RPGRIP1: variants seen among roughly 807,000 people sequenced by gnomAD.
RPGRIP1 encodes the protein RPGR interacting protein 1, also known as X-linked retinitis pigmentosa GTPase regulator-interacting protein 1.
A neutral mutation model predicts 157.9 loss-of-function variants in RPGRIP1; 128 were observed. That is an observed-to-expected ratio of 0.81 (90% CI 0.70 to 0.94). RPGRIP1 has a LOEUF of 0.94. Among genes scored for constraint, RPGRIP1 ranks in the 40% least tolerant of loss-of-function variants. The pLI, the probability that RPGRIP1 is intolerant of heterozygous loss-of-function variation, is 0.00. For synonymous variants in RPGRIP1, 554 were observed against 571.6 expected, an observed-to-expected ratio of 0.97 and a Z score of 0.44; for missense variants, 1,486 against 1,545.8, an observed-to-expected ratio of 0.96 and a Z score of 0.65.
chr14:21,337,161 G>A (rs7154979), intron 21 of RPGRIP1, among the ~76,000 whole-genome samples: 4,538 of 151,836 alleles, frequency 0.03, 189 homozygotes, highest in African/African-American at 0.099. Context: ...TAATGTTTAA[G>A]AGCATGGAGA....
rs759953976 is a variant in RPGRIP1 at position 21,322,037 on chromosome 14, G to A, written c.1762+33G>A. 1.9e-6 allele frequency: 3 copies of A among 1,556,238 alleles called. No individual in the cohort carries two copies. The African/African-American group carries it at 4.1e-5, about 21-fold the overall frequency. ...TTAGTCCTTTGTTCTCCTCACTTCG[G>A]GACCCTTCCACAGCTAACGCCTGTG... On this transcript the variant is annotated intron_variant, in intron 14 of 24. Coordinates refer to ENST00000400017, the MANE Select transcript of RPGRIP1 (RefSeq NM_020366.4).
chr14:21,304,382 G>GGAGA (rs1175981568), intron 6 of RPGRIP1, among the ~76,000 whole-genome samples: 1 of 94,830 alleles, frequency 1.1e-5, no homozygotes, highest in African/African-American at 3.9e-5. Flanking sequence ...GAGGGAGGAA[G>GGAGA]GAGAGAGAGA....
intron 20 of RPGRIP1, among the ~76,000 whole-genome samples, chr14:21,332,031 C>T (rs777241458): frequency 6.6e-6 from 1 of 150,730 alleles, no homozygotes; most frequent in Non-Finnish European, 1.5e-5. Context: ...CTCTGCCTCC[C>T]AGGTTCAAGC....
chr14:21,289,654 A>C (rs1880441614), intron 2 of RPGRIP1, among the ~76,000 whole-genome samples: 1 of 152,080 alleles, frequency 6.6e-6, no homozygotes, highest in Non-Finnish European at 1.5e-5. Context: ...ACTTTGGAAA[A>C]TATTTGCCAT....
intron 21 of RPGRIP1, among the ~76,000 whole-genome samples, chr14:21,339,018 C>G (rs61977497): frequency 6.6e-6 from 1 of 151,992 alleles, no homozygotes; most frequent in Non-Finnish European, 1.5e-5. Context: ...TGCCTGTAAT[C>G]CCAGCTACTC....
chr14:21,308,434 G>C (rs1190071533), intron 7 of RPGRIP1, among the ~76,000 whole-genome samples: 1 of 110,488 alleles, frequency 9.1e-6, no homozygotes, highest in Non-Finnish European at 1.9e-5. Context: ...GATTCCAAGG[G>C]TAAGTAAGAA....
At chr14:21,303,593 A>T in intron 6 of RPGRIP1, 50 bp downstream of exon 6, 1 of 1,381,998 alleles carries the variant, frequency 7.2e-7, no homozygotes, top group Non-Finnish European at 1.0e-6. Flanking sequence ...TGAAAAAGCT[A>T]AGAGATTCTT....
At chr14:21,306,527 C>A (rs1878279169) in intron 6 of RPGRIP1, among the ~76,000 whole-genome samples, 1 of 151,710 alleles carries the variant, frequency 6.6e-6, no homozygotes, top group African/African-American at 2.4e-5. Flanking sequence ...GGCGAGATCT[C>A]AGCTCACTGT....
At chr14:21,298,463 G>GCACT (rs1880887539) in intron 3 of RPGRIP1, among the ~76,000 whole-genome samples, 1 of 152,034 alleles carries the variant, frequency 6.6e-6, no homozygotes, top group African/African-American at 2.4e-5. Flanking sequence ...TTGCGCCACT[G>GCACT]CACTCCAGGC....
chr14:21,316,076 T>G (rs1200289502), intron 10 of RPGRIP1, among the ~76,000 whole-genome samples: 1 of 151,380 alleles, frequency 6.6e-6, no homozygotes, highest in Non-Finnish European at 1.5e-5. Flanking sequence ...TCCCGATGTT[T>G]AAGCTATTCT....
intron 18 of RPGRIP1, among the ~76,000 whole-genome samples, 173 bp from the exon 19 acceptor site, chr14:21,328,251 G>A (rs1387722187): frequency 6.6e-6 from 1 of 152,112 alleles, no homozygotes; most frequent in Non-Finnish European, 1.5e-5. Flanking sequence ...AATGCCATGA[G>A]ACTACTGATG....
At chr14:21,312,383 C>T in intron 9 of RPGRIP1, 50 bp from the exon 10 acceptor site, 3 of 1,320,704 alleles carry the variant, frequency 2.3e-6, no homozygotes, top group Non-Finnish European at 3.2e-6. Flanking sequence ...AAATCCTGTG[C>T]AGGGGAATAG....
intron 8 of RPGRIP1, among the ~76,000 whole-genome samples, chr14:21,311,277 C>A (rs948666607): frequency 2.6e-5 from 4 of 152,306 alleles, no homozygotes; most frequent in Admixed American, 2.6e-4. Context: ...AAGGGCCAGG[C>A]GCGGTGGCTC....
At chr14:21,344,223 G>C (rs1223742933) in intron 22 of RPGRIP1, among the ~76,000 whole-genome samples, 2 of 152,010 alleles carry the variant, frequency 1.3e-5, no homozygotes, top group Non-Finnish European at 2.9e-5. Flanking sequence ...GAACCAAGTA[G>C]TATGCAATGA....
intron 20 of RPGRIP1, among the ~76,000 whole-genome samples, chr14:21,333,815 C>T (rs1594239215): frequency 6.6e-6 from 1 of 152,034 alleles, no homozygotes; most frequent in East Asian, 1.9e-4. Flanking sequence ...AAAGATCCAC[C>T]TTAATTGAAG....
At chr14:21,307,017 G>A (rs568375016) in intron 6 of RPGRIP1, among the ~76,000 whole-genome samples, 117 of 151,864 alleles carry the variant, frequency 7.7e-4, no homozygotes, top group Non-Finnish European at 1.3e-3. Context: ...CTCGTGATCT[G>A]CCCGCCTCAA....
intron 3 of RPGRIP1, 23 bp from the exon 4 acceptor site, chr14:21,300,943 C>A (rs767371047): frequency 1.2e-6 from 2 of 1,607,178 alleles, no homozygotes; most frequent in East Asian, 2.2e-5. Context: ...AAAGGAGAAG[C>A]CACGTGCTCT....
chr14:21,317,999 T>C (rs1370211955), intron 11 of RPGRIP1, 149 bp downstream of exon 11: 3 of 711,558 alleles, frequency 4.2e-6, no homozygotes, highest in East Asian at 5.4e-5. Context: ...ACACTAGCAA[T>C]AGATCAGATC....
At chr14:21,307,870 G>A (rs1425234201) in intron 7 of RPGRIP1, 34 bp downstream of exon 7, 1 of 1,188,758 alleles carries the variant, frequency 8.4e-7, no homozygotes. Context: ...CTTTCTTGGT[G>A]GGGGGAAACC....
Sources: allele counts gnomAD v4.1 joint callset (sites outside exome capture counted in the v4.1 genomes callset), GRCh38; gene constraint gnomAD v4.1.1; transcripts MANE v1.5; gene names NCBI Gene and HGNC (gene_info 2026-07-23, HGNC 2026-07-21).